The following PSMD6 variants were observed in gnomAD, a reference collection of about 807,000 sequenced individuals.
PSMD6 encodes 26S proteasome non-ATPase regulatory subunit 6.
Under a neutral mutation model 44.9 loss-of-function variants are expected in PSMD6, and 7 were observed. The ratio of observed to expected loss-of-function variants is 0.16; its 90% CI spans 0.09 to 0.29. The LOEUF (loss-of-function observed/expected upper bound fraction) is 0.29, where lower values mean the gene tolerates loss of function less well. PSMD6 is among the 10% of genes least tolerant of loss of function. PSMD6 has a pLI of 1.00. For missense variants in PSMD6, 420 were observed against 482.6 expected, an observed-to-expected ratio of 0.87 and a Z score of 1.21; for synonymous variants, 184 against 172.7, an observed-to-expected ratio of 1.07 and a Z score of -0.51.
At chr3:64,022,978 C>T (rs2076156877) in intron 1 of PSMD6, 1 of 1,423,152 alleles carries the variant, frequency 7.0e-7, no homozygotes, top group Non-Finnish European at 9.2e-7. Flanking sequence ...CAGAAAGTCA[C>T]GGGGCCTTTA....
In PSMD6 at chr3:64,018,676, A is replaced by G. The variant is rs752179889; in HGVS notation, c.749T>C (p.Leu250Ser). ...VIKGAEILEV[L>S]HSLPAVRQYL... ...CTGCCGAACTGCTGGAAGACTGTGC[A>G]ACACTTCAAGAATCTCTGCTCCTTT... The change falls in exon 5 of 8, where the codon TTG becomes TCG. Residue 250 changes from leucine to serine, a missense_variant. This residue lies in a region of PSMD6 where 216 missense variants were observed against 227.0 expected (regional missense o/e 0.95). Coordinates refer to ENST00000295901, the MANE Select transcript of PSMD6 (RefSeq NM_014814.3). The G allele has an allele frequency of 2.5e-6, 4 of 1,605,392 alleles. No individual in the cohort carries two copies. The highest frequency in any genetic ancestry group is 2.2e-5 in the East Asian group (1 of 44,814).
chr3:64,015,056 CAT>C (rs1397633248), intron 5 of PSMD6: 1 of 152,134 alleles, frequency 6.6e-6, no homozygotes, highest in Non-Finnish European at 1.5e-5. Flanking sequence ...CAAGGGAACA[CAT>C]GATTTAGCAA....
chr3:64,016,987 T>C (rs1456449336), intron 5 of PSMD6: 3 of 152,196 alleles, frequency 2.0e-5, no homozygotes, highest in Non-Finnish European at 4.4e-5. Context: ...CAAAATGAAA[T>C]ACTGATACAT....
chr3:64,022,627 T>C (rs1340087968), intron 1 of PSMD6, 104 bp from the exon 2 acceptor site: 1 of 1,573,302 alleles, frequency 6.4e-7, no homozygotes, highest in South Asian at 1.1e-5. Context: ...CATCCACCAG[T>C]CTCTTCCCCA....
intron 1 of PSMD6, chr3:64,022,832 CAT>C (rs1410337064): frequency 6.5e-7 from 1 of 1,534,522 alleles, no homozygotes; most frequent in Admixed American, 2.0e-5. Context: ...TTTATACACA[CAT>C]ACTCACATAC....
chr3:64,022,447 C>T lies in PSMD6; in HGVS notation c.222G>A (p.Lys74=). 1.2e-6 allele frequency: 2 copies of T among 1,614,174 alleles called. No individual in the cohort carries two copies. ...QIDVDLLNKM[K]KANEDELKRL... ...GCTTCAACTCATCTTCATTTGCCTT[C>T]TTCATTTTATTGAGTAGGTCCACGT... is the stretch of plus-strand genomic sequence containing the variant. The change falls in exon 2 of 8, where the codon AAG becomes AAA. Residue 74 remains lysine, a synonymous_variant. Coordinates refer to ENST00000295901, the MANE Select transcript of PSMD6 (RefSeq NM_014814.3).
chr3:64,022,535 A>G lies in PSMD6; in HGVS notation c.146-12T>C. 6.2e-7 allele frequency: 1 copy of G among 1,613,280 alleles called. No individual in the cohort carries two copies. Among genetic ancestry groups the G allele is most frequent in the East Asian group, 2.2e-5 (1 of 44,872 alleles). On this transcript the variant is annotated splice_polypyrimidine_tract_variant and intron_variant, in intron 1 of 7. Transcript: ENST00000295901. The stretch of plus-strand genomic sequence containing the variant: ...GTAAGGAGCCATGTCTAACATGCAA[A>G]AAGAGGGATGTGTGAGTGGGGACAC...
At position 64,019,100 on chromosome 3, in the gene PSMD6, G is replaced by C; in HGVS notation, c.498-63C>G. 3.4e-6 allele frequency: 5 copies of C among 1,476,152 alleles called. No individual in the cohort carries two copies. The South Asian group carries it at 4.9e-5, about 14-fold the overall frequency. The allele number at this position is 1,476,152 out of a possible 1,614,324, so 91.4% of individuals were successfully genotyped here. ...AGACAAGGCCACGTTTTAAAAACTT[G>C]TCTGTTATTTGAAATGAGAAAACAA... On this transcript the variant is annotated intron_variant, in intron 3 of 7. Coordinates refer to ENST00000295901, the MANE Select transcript of PSMD6 (RefSeq NM_014814.3).
In PSMD6 at chr3:64,010,970, A is replaced by AAAAAT. The variant is rs776638369; in HGVS notation, c.996-20_996-16dup. 2 of 1,563,476 alleles carry AAAAAT rather than the reference A, an allele frequency of 1.3e-6. No individual in the cohort carries two copies. Among genetic ancestry groups the AAAAAT allele is most frequent in the African/African-American group, 2.7e-5 (2 of 72,896 alleles). On this transcript the variant is annotated splice_polypyrimidine_tract_variant and intron_variant, in intron 6 of 7. Coordinates refer to ENST00000295901, the MANE Select transcript of PSMD6 (RefSeq NM_014814.3). ...TGGACAGTTCCCTAATTTAGAGACA[A>AAAAAT]AAAATAACAGAATTAGCTTTATAGA...
At chr3:64,016,685 G>C (rs904538594) in intron 5 of PSMD6, 2 of 152,120 alleles carry the variant, frequency 1.3e-5, no homozygotes, top group African/African-American at 4.8e-5. Context: ...ACAGAAAATA[G>C]TAAGTACTGG....
intron 6 of PSMD6, 94 bp from the exon 7 acceptor site, chr3:64,011,049 A>G: frequency 9.7e-7 from 1 of 1,027,376 alleles, no homozygotes; most frequent in Non-Finnish European, 1.4e-6. Flanking sequence ...ATTTGTAACA[A>G]ACATTTAGCT....
At chr3:64,015,306 T>G (rs1414975442) in intron 5 of PSMD6, 1 of 152,220 alleles carries the variant, frequency 6.6e-6, no homozygotes, top group Non-Finnish European at 1.5e-5. Flanking sequence ...CTTTGGAAAG[T>G]TCAATTTTTT....
chr3:64,022,924 C>G lies in PSMD6; in HGVS notation c.145+351G>C, dbSNP rs2076156111. 5 of 1,458,048 alleles carry G rather than the reference C, an allele frequency of 3.4e-6. No homozygotes were observed. In the African/African-American group the frequency reaches 5.6e-5, roughly 16 times the overall value. 90.3% of individuals were successfully genotyped at this position (1,458,048 alleles called of 1,614,324 possible). A position where few individuals can be genotyped will look rare whatever the true frequency, so the allele number is the denominator to read the frequency against. On this transcript the variant is annotated intron_variant, in intron 1 of 7. Coordinates refer to ENST00000295901, the MANE Select transcript of PSMD6 (RefSeq NM_014814.3). ...ATTTCCCTTCCACAGGCAAGCTGAACTCTCCCACAGGAATACCCCGCGCCC... is the reference window on the plus strand; with the variant it reads ...ATTTCCCTTCCACAGGCAAGCTGAAGTCTCCCACAGGAATACCCCGCGCCC...
chr3:64,012,735 C>G (rs1483616810), intron 6 of PSMD6: 1 of 152,316 alleles, frequency 6.6e-6, no homozygotes, highest in Non-Finnish European at 1.5e-5. Context: ...ATTCCCTTTT[C>G]TGCACGCAGA....
At position 64,018,971 on chromosome 3, in the gene PSMD6, A is replaced by G; in HGVS notation, c.564T>C (p.Cys188=). 1 of 1,612,960 alleles carries G rather than the reference A, an allele frequency of 6.2e-7. No homozygotes were observed. The highest frequency in any genetic ancestry group is 8.5e-7 in the Non-Finnish European group (1 of 1,178,970). ...NRLKVYQGLY[C]VAIRDFKQAA... ...CCTGTTTGAAATCACGAATAGCCAC[A>G]CAATAAAGACCCTGATACACTTTTA... The change falls in exon 4 of 8, where the codon TGT becomes TGC. Residue 188 remains cysteine, a synonymous_variant. Transcript: ENST00000295901.
At chr3:64,012,540 A>AAACTT (rs1168729777) in intron 6 of PSMD6, 6 of 152,198 alleles carry the variant, frequency 3.9e-5, no homozygotes, top group East Asian at 1.9e-4. Context: ...GCTCCCTATC[A>AAACTT]AACTTACTTA....
intron 6 of PSMD6, chr3:64,012,218 T>TAAAA: frequency 6.6e-6 from 1 of 152,158 alleles, no homozygotes; most frequent in Admixed American, 6.5e-5. Flanking sequence ...TAAAAAATAC[T>TAAAA]AGAAAGAGAA....
At chr3:64,014,148 T>TA (rs141620236) in intron 5 of PSMD6, 4,131 of 152,336 alleles carry the variant, frequency 0.027, 107 homozygotes, top group African/African-American at 0.071. Flanking sequence ...AGACAAATGA[T>TA]AAACTAGAAA....
rs1241186641 is a variant in PSMD6 at position 64,013,498 on chromosome 3, C to A, written c.936G>T (p.Arg312Ser). Residue 312 changes from arginine (R) to serine (S), a missense_variant, in exon 6 of 8, where the codon AGG (arginine) becomes AGT (serine). Arg to Ser is a moderately radical substitution (Grantham distance 110). Coordinates refer to ENST00000295901, the MANE Select transcript of PSMD6 (RefSeq NM_014814.3). ...HAYSQLLESYRSLTLGYMAEA... is the reference protein window; with the variant it reads ...HAYSQLLESYSSLTLGYMAEA... ...CTGCCATATAGCCAAGGGTTAATGA[C>A]CTATATGATTCCAGCAGCTGACTGT... The A allele has an allele frequency of 2.5e-6, 4 of 1,613,358 alleles. No individual in the cohort carries two copies. The highest frequency in any genetic ancestry group is 1.3e-5 in the African/African-American group (1 of 74,982).
Sources: gnomAD v4.1 joint callset for allele counts on GRCh38, gnomAD v4.1.1 for gene constraint, gnomAD v4.1.1 regional missense constraint, MANE v1.5 for transcripts, NCBI Gene and HGNC (gene_info 2026-07-23, HGNC 2026-07-21) for gene names.